Variants in IL1RAPL1 observed in about 807,000 individuals in gnomAD.
IL1RAPL1 encodes interleukin 1 receptor accessory protein like 1.
Under a neutral mutation model 48.4 loss-of-function variants are expected in IL1RAPL1, and 3 were observed. That is an observed-to-expected ratio of 0.06 (90% CI 0.03 to 0.16). IL1RAPL1 has a LOEUF of 0.16. Among genes scored for constraint, IL1RAPL1 ranks in the 10% least tolerant of loss-of-function variants. The pLI, the probability that IL1RAPL1 is intolerant of heterozygous loss-of-function variation, is 1.00. For synonymous variants in IL1RAPL1, 185 were observed against 187.7 expected, an observed-to-expected ratio of 0.99 and a Z score of 0.12; for missense variants, 349 against 530.6, an observed-to-expected ratio of 0.66 and a Z score of 3.36.
chrX:29,704,100 A>AT (rs754595751), intron 6 of IL1RAPL1, among the ~76,000 whole-genome samples: 2,739 of 106,561 alleles, frequency 0.026, 89 homozygotes, highest in African/African-American at 0.088. Context: ...TTTTTATTTT[A>AT]TTTTTTTTTG....
At chrX:29,408,696 A>G (rs945905668) in intron 5 of IL1RAPL1, among the ~76,000 whole-genome samples, 2 of 111,953 alleles carry the variant, frequency 1.8e-5, no homozygotes, top group Admixed American at 9.5e-5. Flanking sequence ...CTACTTCCCA[A>G]TCGACCACAG....
chrX:29,622,576 A>C (rs1461522698), intron 5 of IL1RAPL1, among the ~76,000 whole-genome samples: 1 of 111,784 alleles, frequency 8.9e-6, no homozygotes, highest in Non-Finnish European at 1.9e-5. Context: ...TTGGATTTGA[A>C]TCTGGGGCTC....
At chrX:29,608,223 A>T (rs1923957763) in intron 5 of IL1RAPL1, among the ~76,000 whole-genome samples, 1 of 111,806 alleles carries the variant, frequency 8.9e-6, no homozygotes, top group Non-Finnish European at 1.9e-5. Flanking sequence ...ATAGCATTAC[A>T]GCTGGATGTC....
intron 6 of IL1RAPL1, among the ~76,000 whole-genome samples, chrX:29,792,242 C>A (rs1232792054): frequency 8.9e-6 from 1 of 111,950 alleles, no homozygotes; most frequent in East Asian, 2.8e-4. Flanking sequence ...TTGCAAATAG[C>A]AAAGGAACTG....
chrX:29,823,945 A>T (rs933336505), intron 6 of IL1RAPL1, among the ~76,000 whole-genome samples: 30 of 111,914 alleles, frequency 2.7e-4, no homozygotes, highest in Non-Finnish European at 4.5e-4. Context: ...TATCGTCAAA[A>T]TGTGCTGTAT....
At chrX:28,664,294 A>AT (rs1934852206) in intron 1 of IL1RAPL1, among the ~76,000 whole-genome samples, 1 of 112,406 alleles carries the variant, frequency 8.9e-6, no homozygotes, top group African/African-American at 3.2e-5. Flanking sequence ...TATCTTTAAA[A>AT]TTTTTTTGAA....
At chrX:29,416,012 C>T (rs1307863001) in intron 5 of IL1RAPL1, among the ~76,000 whole-genome samples, 1 of 111,585 alleles carries the variant, frequency 9.0e-6, no homozygotes, top group East Asian at 2.8e-4. Context: ...TAAACTCTGA[C>T]AGCTTAATGT....
chrX:29,631,579 G>A, intron 5 of IL1RAPL1, among the ~76,000 whole-genome samples: 1 of 112,006 alleles, frequency 8.9e-6, no homozygotes, highest in East Asian at 2.8e-4. Context: ...ACCATACCTG[G>A]CCTCAACATG....
chrX:28,630,778 A>G (rs993608370), intron 1 of IL1RAPL1, among the ~76,000 whole-genome samples: 1 of 112,408 alleles, frequency 8.9e-6, no homozygotes, highest in Non-Finnish European at 1.9e-5. Context: ...AGAAATTCCT[A>G]GTGAAAATAT....
intron 2 of IL1RAPL1, among the ~76,000 whole-genome samples, chrX:28,971,422 G>A (rs1925067739): frequency 8.9e-6 from 1 of 111,973 alleles, no homozygotes; most frequent in Non-Finnish European, 1.9e-5. Context: ...GGAGTGTGAT[G>A]CCATTGCCAC....
intron 5 of IL1RAPL1, among the ~76,000 whole-genome samples, chrX:29,608,882 A>G (rs1222071786): frequency 8.9e-6 from 1 of 112,018 alleles, no homozygotes; most frequent in Non-Finnish European, 1.9e-5. Flanking sequence ...AATCAGCGTC[A>G]TTGACACTGA....
intron 8 of IL1RAPL1, among the ~76,000 whole-genome samples, chrX:29,929,880 CCAAA>C (rs1322551372): frequency 6.3e-5 from 7 of 111,305 alleles, no homozygotes; most frequent in South Asian, 3.7e-4. Flanking sequence ...CTAATTCTCC[CCAAA>C]CAAATATGTC....
intron 2 of IL1RAPL1, among the ~76,000 whole-genome samples, chrX:29,059,534 C>T (rs1376131716): frequency 2.7e-5 from 3 of 111,429 alleles, no homozygotes; most frequent in Non-Finnish European, 5.7e-5. Context: ...AGAGTATTAC[C>T]TGAAGCTTGC....
chrX:29,764,099 A>AATT (rs1481196313), intron 6 of IL1RAPL1, among the ~76,000 whole-genome samples: 2 of 111,859 alleles, frequency 1.8e-5, no homozygotes, highest in African/African-American at 6.5e-5. Flanking sequence ...GTAGGAAACA[A>AATT]ATTAAATTTT....
chrX:29,165,044 T>C (rs1929760159), intron 2 of IL1RAPL1, among the ~76,000 whole-genome samples: 1 of 111,929 alleles, frequency 8.9e-6, no homozygotes, highest in African/African-American at 3.2e-5. Context: ...CTAGGCCGAG[T>C]GCGGTGGCTC....
Position 29,535,348 on chromosome X carries a change from C to T in IL1RAPL1, c.704-133082C>T, listed in dbSNP as rs141702440. 7.0e-3 allele frequency among the ~76,000 whole-genome samples: 770 copies of T among 110,328 alleles called. 5 individuals carry two copies. The highest frequency in any genetic ancestry group is 0.024 in the African/African-American group (724 of 30,236). ...GCATAAAAATGTATAAGGTTAAGGA[C>T]AATTGTTTTGCCTATCTCTGCCCAG... On this transcript the variant is annotated intron_variant, in intron 5 of 10. Coordinates refer to ENST00000378993, the MANE Select transcript of IL1RAPL1 (RefSeq NM_014271.4).
At chrX:29,588,926 C>T (rs1165072198) in intron 5 of IL1RAPL1, among the ~76,000 whole-genome samples, 1 of 111,840 alleles carries the variant, frequency 8.9e-6, no homozygotes, top group Non-Finnish European at 1.9e-5. Flanking sequence ...TTGGAGCAAG[C>T]CGTGCTCCAG....
Position 28,658,735 on chromosome X carries a change from A to G in IL1RAPL1, c.-25+70688A>G, listed in dbSNP as rs776735387. 2.7e-5 allele frequency among the ~76,000 whole-genome samples: 3 copies of G among 111,263 alleles called. No homozygotes were observed. In the Admixed American group the frequency reaches 2.9e-4, roughly 11 times the overall value. On this transcript the variant is annotated intron_variant, in intron 1 of 10. Coordinates refer to ENST00000378993, the MANE Select transcript of IL1RAPL1 (RefSeq NM_014271.4). ...CAATAAGAAATGTACTTGTTTTGAA[A>G]AAATCCAAATGCCGGCATTGTCCAG...
chrX:29,327,899 T>C (rs926341665), intron 3 of IL1RAPL1, among the ~76,000 whole-genome samples: 5 of 111,351 alleles, frequency 4.5e-5, no homozygotes, highest in Non-Finnish European at 9.4e-5. Flanking sequence ...TGTAAACAAA[T>C]AGGTATGATT....
Sources: allele counts gnomAD v4.1 joint callset (sites outside exome capture counted in the v4.1 genomes callset), GRCh38; gene constraint gnomAD v4.1.1; transcripts MANE v1.5; gene names NCBI Gene and HGNC (gene_info 2026-07-23, HGNC 2026-07-21).